HMGCLL1: variants seen among roughly 807,000 people sequenced by gnomAD.
HMGCLL1 encodes the protein 3-hydroxymethyl-3-methylglutaryl-CoA lyase, cytoplasmic.
A neutral mutation model predicts 39.1 loss-of-function variants in HMGCLL1; 36 were observed. The ratio of observed to expected loss-of-function variants is 0.92; its 90% CI spans 0.71 to 1.22. The LOEUF (loss-of-function observed/expected upper bound fraction) is 1.22, where lower values mean the gene tolerates loss of function less well. Ranked by LOEUF, HMGCLL1 falls within the 50% of genes most tolerant of loss-of-function variation. HMGCLL1 has a pLI of 0.00. For missense variants in HMGCLL1, 451 were observed against 416.5 expected (o/e 1.08, Z -0.72); for synonymous variants, 149 against 144.0 (o/e 1.03, Z -0.25).
chr6:55,588,314 T>A, the HMGCLL1 span, among the ~76,000 whole-genome samples: 1 of 151,724 alleles, frequency 6.6e-6, no homozygotes, highest in Admixed American at 6.6e-5. Flanking sequence ...ACTGGGTACA[T>A]AACGAAATGA....
the HMGCLL1 span, among the ~76,000 whole-genome samples, chr6:55,676,441 C>T: frequency 1.3e-5 from 2 of 152,126 alleles, no homozygotes; most frequent in South Asian, 4.1e-4. Context: ...TTATAAAAAC[C>T]TGTGGATGCT....
chr6:55,633,633 T>G, the HMGCLL1 span, among the ~76,000 whole-genome samples: 1 of 151,936 alleles, frequency 6.6e-6, no homozygotes, highest in Non-Finnish European at 1.5e-5. Flanking sequence ...TCACTGTTGG[T>G]TTTCTAGCAA....
At chr6:55,462,884 A>G (rs1764634877) in intron 7 of HMGCLL1, among the ~76,000 whole-genome samples, 1 of 152,140 alleles carries the variant, frequency 6.6e-6, no homozygotes, top group African/African-American at 2.4e-5. Context: ...CTCCATCACA[A>G]TTAAAAACAT....
At chr6:55,493,724 T>G (rs181012262) in intron 7 of HMGCLL1, among the ~76,000 whole-genome samples, 1 of 93,258 alleles carries the variant, frequency 1.1e-5, no homozygotes, top group African/African-American at 5.0e-5. Context: ...TTTTGTTTTT[T>G]TTGTTTTTGT....
At chr6:55,537,272 G>A (rs527528735) in intron 3 of HMGCLL1, among the ~76,000 whole-genome samples, 14 of 152,202 alleles carry the variant, frequency 9.2e-5, no homozygotes, top group African/African-American at 3.1e-4. Context: ...TACAACTTTG[G>A]AAGATAAATT....
intron 3 of HMGCLL1, among the ~76,000 whole-genome samples, chr6:55,531,081 C>A (rs1239153292): frequency 6.6e-6 from 1 of 152,128 alleles, no homozygotes; most frequent in East Asian, 1.9e-4. Flanking sequence ...AATGTTTAAA[C>A]CAGGTTTTGA....
intron 7 of HMGCLL1, among the ~76,000 whole-genome samples, chr6:55,444,672 T>C (rs1763738853): frequency 6.6e-6 from 1 of 152,086 alleles, no homozygotes; most frequent in Non-Finnish European, 1.5e-5. Flanking sequence ...TAAATTATTT[T>C]ACTTTAATTC....
At chr6:55,523,040 C>T (rs1042389549) in intron 3 of HMGCLL1, among the ~76,000 whole-genome samples, 9 of 151,952 alleles carry the variant, frequency 5.9e-5, no homozygotes, top group African/African-American at 2.2e-4. Flanking sequence ...TCTCTTAGAA[C>T]TAGATCTTGT....
intron 7 of HMGCLL1, among the ~76,000 whole-genome samples, chr6:55,454,319 A>G (rs924290326): frequency 2.0e-5 from 3 of 152,172 alleles, no homozygotes; most frequent in Admixed American, 6.5e-5. Flanking sequence ...GGGGAGCCCT[A>G]TAACAAAGGA....
the HMGCLL1 span, among the ~76,000 whole-genome samples, chr6:55,650,120 T>TACACAC: frequency 3.8e-5 from 3 of 79,940 alleles, no homozygotes; most frequent in Non-Finnish European, 4.6e-5. Flanking sequence ...TATATATATA[T>TACACAC]ATATATATAT....
chr6:55,624,779 G>T, the HMGCLL1 span, among the ~76,000 whole-genome samples: 1 of 152,116 alleles, frequency 6.6e-6, no homozygotes, highest in Non-Finnish European at 1.5e-5. Flanking sequence ...CTAAGATGAA[G>T]GATAAGTTAC....
chr6:55,488,092 T>C (rs901465725), intron 7 of HMGCLL1, among the ~76,000 whole-genome samples: 2 of 152,066 alleles, frequency 1.3e-5, no homozygotes, highest in African/African-American at 2.4e-5. Context: ...TTGGGCAGAA[T>C]AGAAAATTTT....
Position 55,579,178 on chromosome 6 carries a change from C to T in HMGCLL1, c.-123G>A. The T allele has an allele frequency of 4.0e-6, 3 of 755,270 alleles. No homozygotes were observed. Among genetic ancestry groups the T allele is most frequent in the Non-Finnish European group, 6.7e-6 (3 of 445,416 alleles). The allele number at this position is 755,270 out of a possible 1,614,324, so 46.8% of individuals were successfully genotyped here. On this transcript the variant is annotated 5_prime_UTR_variant, in exon 1 of 9. Transcript: ENST00000274901. ...CCCTCCGGTGCACTGGCTGTGAGGA[C>T]CAGAGCTGTTCTGCGCACTGCGGCG...
chr6:55,446,194 A>T (rs1763823328), intron 7 of HMGCLL1, among the ~76,000 whole-genome samples: 1 of 151,096 alleles, frequency 6.6e-6, no homozygotes, highest in Non-Finnish European at 1.5e-5. Context: ...AACTGTTATT[A>T]GTGCTCAGGG....
chr6:55,574,737 C>A (rs1315959583), intron 1 of HMGCLL1, among the ~76,000 whole-genome samples: 2 of 151,932 alleles, frequency 1.3e-5, no homozygotes, highest in African/African-American at 4.8e-5. Context: ...AACAACTACA[C>A]AGTTGCAGGC....
At chr6:55,673,556 A>C in the HMGCLL1 span, among the ~76,000 whole-genome samples, 1 of 152,000 alleles carries the variant, frequency 6.6e-6, no homozygotes, top group Non-Finnish European at 1.5e-5. Context: ...AATAGCAAAC[A>C]CCGTTAACAG....
At chr6:55,448,348 A>G (rs115302228) in intron 7 of HMGCLL1, among the ~76,000 whole-genome samples, 2,877 of 149,384 alleles carry the variant, frequency 0.019, 92 homozygotes, top group African/African-American at 0.066. Flanking sequence ...AAATATATAA[A>G]CAGTACTATA....
At chr6:55,544,887 A>C (rs891541656) in intron 1 of HMGCLL1, among the ~76,000 whole-genome samples, 5 of 152,152 alleles carry the variant, frequency 3.3e-5, no homozygotes, top group African/African-American at 1.2e-4. Context: ...TGGAGGGATG[A>C]GAGGAAGGCC....
chr6:55,547,120 T>C (rs1770023719), intron 1 of HMGCLL1, among the ~76,000 whole-genome samples: 1 of 152,078 alleles, frequency 6.6e-6, no homozygotes, highest in South Asian at 2.1e-4. Flanking sequence ...CCCTGGCTCT[T>C]ATTCTAGTTT....
Sources: gnomAD v4.1 joint callset for allele counts (sites outside exome capture counted in the v4.1 genomes callset) on GRCh38, gnomAD v4.1.1 for gene constraint, MANE v1.5 for transcripts, NCBI Gene and HGNC (gene_info 2026-07-23, HGNC 2026-07-21) for gene names.